The following HNRNPL variants were observed in gnomAD, a reference collection of about 807,000 sequenced individuals.
HNRNPL encodes epididymis secretory sperm binding protein.
HNRNPL carries 12 observed loss-of-function variants against 64.0 expected under a neutral mutation model. The ratio of observed to expected loss-of-function variants is 0.19; its 90% CI spans 0.12 to 0.30. HNRNPL has a LOEUF of 0.30. Among genes scored for constraint, HNRNPL ranks in the 10% least tolerant of loss-of-function variants. HNRNPL has a pLI of 1.00. For synonymous variants in HNRNPL, 385 were observed against 313.0 expected (o/e 1.23, Z -2.43); for missense variants, 484 against 797.4 (o/e 0.61, Z 4.73).
chr19:38,840,925 A>G (rs1232291880), intron 6 of HNRNPL: 2 of 268,594 alleles, frequency 7.4e-6, no homozygotes, highest in African/African-American at 2.3e-5. Context: ...GCAGCTTTCT[A>G]AAGTGACTCC....
intron 1 of HNRNPL, 82 bp downstream of exon 1, chr19:38,849,618 C>A: frequency 7.7e-7 from 1 of 1,291,722 alleles, no homozygotes; most frequent in Non-Finnish European, 9.8e-7. Context: ...GCAGAGGCCC[C>A]CCTCAAAAAA....
chr19:38,848,955 C>T (rs1280704119), intron 1 of HNRNPL, among the ~76,000 whole-genome samples: 2 of 152,036 alleles, frequency 1.3e-5, no homozygotes, highest in Non-Finnish European at 2.9e-5. Context: ...GGGACTGGGC[C>T]CCACTCCAAA....
At chr19:38,849,456 A>C in intron 1 of HNRNPL, 12 of 407,322 alleles carry the variant, frequency 2.9e-5, no homozygotes, top group Admixed American at 4.7e-5. Flanking sequence ...GCACTGGGCC[A>C]TTCGCCTCAC....
Position 38,845,751 on chromosome 19 carries a change from C to G in HNRNPL, c.625-16G>C, listed in dbSNP as rs1600064471. 4.3e-6 allele frequency: 7 copies of G among 1,611,726 alleles called. No homozygotes were observed. The highest frequency in any genetic ancestry group is 1.1e-5 in the South Asian group (1 of 91,034). On this transcript the variant is annotated splice_polypyrimidine_tract_variant and intron_variant, in intron 3 of 12. Coordinates refer to ENST00000221419, the MANE Select transcript of HNRNPL (RefSeq NM_001533.3). ...AAAGAACATCCTGCAAAAGCAAACA[C>G]AGGCAAGATGAAGGGGCACTGGCAG... is the stretch of plus-strand genomic sequence containing the variant.
upstream of HNRNPL, among the ~76,000 whole-genome samples, chr19:38,851,870 C>T (rs538445993): frequency 9.5e-4 from 144 of 152,198 alleles, no homozygotes; most frequent in African/African-American, 3.2e-3. Flanking sequence ...TCGGTCAGCT[C>T]CCCCGGACAC....
intron 6 of HNRNPL, chr19:38,841,085 G>A (rs186464546): frequency 1.1e-3 from 205 of 187,328 alleles, no homozygotes; most frequent in Non-Finnish European, 1.9e-3. Context: ...TCCCAGTCCC[G>A]CCAGCCCAAG....
At position 38,838,401 on chromosome 19, in the gene HNRNPL, A is replaced by G; in HGVS notation, c.1553T>C (p.Phe518Ser). Residue 518 changes from phenylalanine to serine, a missense_variant, in exon 10 of 13, where the codon TTT (phenylalanine) becomes TCT (serine). Phe to Ser is a radical substitution (Grantham distance 155). This residue lies in a region of HNRNPL where 69 missense variants were observed against 91.8 expected (regional missense o/e 0.75). Coordinates refer to ENST00000221419, the MANE Select transcript of HNRNPL (RefSeq NM_001533.3). ...APLEVTEENF[F>S]EICDELGVKR... ...GCGCAGCTCCACGGCACACACCTCA[A>G]AGAAGTTCTCCTCGGTCACCTCCAG... The G allele has an allele frequency of 3.7e-6, 6 of 1,610,220 alleles. No individual in the cohort carries two copies. The highest frequency in any genetic ancestry group is 5.1e-6 in the Non-Finnish European group (6 of 1,176,642).
At position 38,849,950 on chromosome 19, in the gene HNRNPL, A is replaced by G. The variant is rs1468605134; in HGVS notation, c.17T>C (p.Leu6Pro). The change falls in exon 1 of 13, where the codon CTG (leucine) becomes CCG (proline). Residue 6 changes from leucine to proline, a missense_variant. By Grantham distance (98) the Leu-to-Pro change is moderately conservative. Transcript: ENST00000221419. Reference sequence around the variant, plus strand: ...CCGACGCCGCTTCTCCGCCCGGGGCAGCAGCCTCCGCGACATGGCGGCGCA... The same window carrying G: ...CCGACGCCGCTTCTCCGCCCGGGGCGGCAGCCTCCGCGACATGGCGGCGCA... MSRRL[L>P]PRAEKRRRRL... 8 of 1,356,620 alleles carry G rather than the reference A, an allele frequency of 5.9e-6. No individual in the cohort carries two copies. In the East Asian group the frequency reaches 1.2e-4, roughly 20 times the overall value. The allele number at this position is 1,356,620 out of a possible 1,614,324, so 84.0% of individuals were successfully genotyped here.
At chr19:38,849,522 G>A (rs1007408499) in intron 1 of HNRNPL, among the ~76,000 whole-genome samples, 178 bp downstream of exon 1, 3 of 152,102 alleles carry the variant, frequency 2.0e-5, no homozygotes, top group African/African-American at 4.8e-5. Context: ...GCACGCGCAG[G>A]CGCCTGTCCT....
chr19:38,837,104 C>T, intron 12 of HNRNPL: 1 of 556,426 alleles, frequency 1.8e-6, no homozygotes, highest in Non-Finnish European at 3.2e-6. Context: ...GCTTTCCTAC[C>T]TAAGCCAGTC....
chr19:38,846,107 A>C lies in HNRNPL; in HGVS notation c.387-17T>G. 1 of 1,569,962 alleles carries C rather than the reference A, an allele frequency of 6.4e-7. No homozygotes were observed. The highest frequency in any genetic ancestry group is 8.8e-7 in the Non-Finnish European group (1 of 1,140,030). On this transcript the variant is annotated splice_polypyrimidine_tract_variant and intron_variant, in intron 2 of 12. Coordinates refer to ENST00000221419, the MANE Select transcript of HNRNPL (RefSeq NM_001533.3). ...ACCACATAGCTGGCAGAGAGAACAC[A>C]GGTTTCAATCCTCTCAGGAAAATGT...
intron 4 of HNRNPL, chr19:38,844,711 C>T (rs1213808710): frequency 3.8e-5 from 5 of 130,052 alleles, no homozygotes; most frequent in African/African-American, 1.3e-4. Context: ...ACATGCCCCA[C>T]CTTTTTTTTT....
intron 1 of HNRNPL, 134 bp downstream of exon 1, chr19:38,849,566 C>G (rs1384417057): frequency 8.4e-7 from 1 of 1,187,410 alleles, no homozygotes; most frequent in African/African-American, 1.6e-5. Flanking sequence ...AACGGCCGCC[C>G]CTCCCCCACA....
At chr19:38,838,322 A>C in intron 10 of HNRNPL, 75 bp downstream of exon 10, 1 of 1,279,484 alleles carries the variant, frequency 7.8e-7, no homozygotes, top group Non-Finnish European at 1.1e-6. Flanking sequence ...TATTTGCAGA[A>C]AAGACTGAAA....
At chr19:38,849,482 C>G in intron 1 of HNRNPL, 1 of 555,848 alleles carries the variant, frequency 1.8e-6, no homozygotes, top group Non-Finnish European at 2.7e-6. Flanking sequence ...ACTTCCTCTG[C>G]GCTCCCCCAC....
Position 38,838,602 on chromosome 19 carries a change from C to T in HNRNPL, c.1356-4G>A, listed in dbSNP as rs1398158783. On this transcript the variant is annotated splice_region_variant and splice_polypyrimidine_tract_variant and intron_variant, in intron 9 of 12. Transcript: ENST00000221419. ...GATGGCTGGCTGCTTGGAGACACTG[C>T]AGCAAGGAAGAAAGGGGAGCCTTTG... is the stretch of plus-strand genomic sequence containing the variant. The T allele has an allele frequency of 2.5e-6, 4 of 1,613,164 alleles. No individual in the cohort carries two copies. Among genetic ancestry groups the T allele is most frequent in the South Asian group, 2.2e-5 (2 of 91,010 alleles).
At chr19:38,836,806 G>A (rs750886795) in intron 12 of HNRNPL, 26 bp from the exon 13 acceptor site, 6 of 1,590,668 alleles carry the variant, frequency 3.8e-6, no homozygotes. Context: ...AAGTTTGGTT[G>A]GTTCCCGTCT....
rs1004540315 is a variant in HNRNPL, at chr19:38,836,383, G to C, written c.*339C>G. On this transcript the variant is annotated 3_prime_UTR_variant, in exon 13 of 13. Transcript: ENST00000221419. Reference sequence around the variant, plus strand: ...GAAAAGCAGACATCCTGGAATCCCAGCAAGTGCTGTGTTTATTTTCCAAAC... The same window carrying C: ...GAAAAGCAGACATCCTGGAATCCCACCAAGTGCTGTGTTTATTTTCCAAAC... The C allele has an allele frequency of 9.2e-5, 19 of 206,304 alleles. No homozygotes were observed. The highest frequency in any genetic ancestry group is 1.6e-4 in the Non-Finnish European group (16 of 100,316). 12.8% of individuals were successfully genotyped at this position (206,304 alleles called of 1,614,324 possible). A position where few individuals can be genotyped will look rare whatever the true frequency, so the allele number is the denominator to read the frequency against.
chr19:38,841,881 A>C lies in HNRNPL; in HGVS notation c.881-1322T>G, dbSNP rs190752625. The C allele has an allele frequency of 4.4e-4, 162 of 371,192 alleles. 2 individuals carry two copies. The East Asian group carries it at 7.7e-3, about 18-fold the overall frequency. 23.0% of individuals were successfully genotyped at this position (371,192 alleles called of 1,614,324 possible). ...TGTCCCTCCATGTTGTCACCTCCTC[A>C]CATATGTGCTGCAGTGCGGTGGTGC... is the stretch of plus-strand genomic sequence containing the variant. On this transcript the variant is annotated intron_variant, in intron 6 of 12. Transcript: ENST00000221419.
Sources: gnomAD v4.1 joint callset for allele counts (sites outside exome capture counted in the v4.1 genomes callset) on GRCh38, gnomAD v4.1.1 for gene constraint, gnomAD v4.1.1 regional missense constraint, MANE v1.5 for transcripts, NCBI Gene and HGNC (gene_info 2026-07-23, HGNC 2026-07-21) for gene names.